Variants in SLC25A48 observed in about 807,000 individuals in gnomAD.
SLC25A48 encodes the protein CTC-321K16.1.
In SLC25A48, 29 loss-of-function variants were observed where a neutral mutation model predicts 32.2. The observed-to-expected ratio is 0.90, with a 90% CI of 0.67 to 1.23. The LOEUF (loss-of-function observed/expected upper bound fraction) is 1.23, where lower values mean the gene tolerates loss of function less well. Among genes scored for constraint, SLC25A48 ranks in the 50% most tolerant of loss-of-function variants. SLC25A48 has a pLI of 0.00. For synonymous variants in SLC25A48, 164 were observed against 172.3 expected (o/e 0.95, Z 0.38); for missense variants, 399 against 422.7 (o/e 0.94, Z 0.49).
chr5:135,616,217 C>T (rs965474233), intron 1 of SLC25A48, among the ~76,000 whole-genome samples: 4 of 152,146 alleles, frequency 2.6e-5, no homozygotes, highest in African/African-American at 9.7e-5. Flanking sequence ...GGGGGACTAC[C>T]TAGTGGGGCT....
chr5:135,804,027 A>G (rs1757399456), intron 3 of SLC25A48, among the ~76,000 whole-genome samples: 1 of 151,488 alleles, frequency 6.6e-6, no homozygotes, highest in Non-Finnish European at 1.5e-5. Flanking sequence ...ATTTTCTGTG[A>G]TATTAGGAAT....
At position 135,651,361 on chromosome 5, in the gene SLC25A48, G is replaced by A. The variant is rs573063006; in HGVS notation, c.-521+16405G>A. On this transcript the variant is annotated intron_variant, in intron 3 of 10. Transcript: ENST00000646290. Reference sequence around the variant, plus strand: ...AATGCCACACTCATCCTTGTGAGTGGTTTCCCCCAGGACTCCCTCAGGTGA... The same window carrying A: ...AATGCCACACTCATCCTTGTGAGTGATTTCCCCCAGGACTCCCTCAGGTGA... 7.9e-5 allele frequency among the ~76,000 whole-genome samples: 12 copies of A among 152,278 alleles called. 1 individual carries two copies. The highest frequency in any genetic ancestry group is 4.6e-4 in the Admixed American group (7 of 15,296).
At chr5:135,716,693 G>T (rs1754807623) in intron 3 of SLC25A48, among the ~76,000 whole-genome samples, 1 of 152,192 alleles carries the variant, frequency 6.6e-6, no homozygotes, top group African/African-American at 2.4e-5. Context: ...GGCAGTCCCT[G>T]ATTCTATCTA....
chr5:135,852,871 C>A (rs1389431273), intron 4 of SLC25A48, 50 bp downstream of exon 4: 1 of 1,565,544 alleles, frequency 6.4e-7, no homozygotes, highest in Admixed American at 1.8e-5. Context: ...GTGGCCCTTT[C>A]CTGGTTTGTG....
intron 1 of SLC25A48, among the ~76,000 whole-genome samples, chr5:135,583,330 G>A (rs1345940491): frequency 6.6e-6 from 1 of 152,014 alleles, no homozygotes; most frequent in Non-Finnish European, 1.5e-5. Context: ...GACTTTCCAG[G>A]AAATCCCACA....
At chr5:135,606,581 G>C (rs1751937577) in intron 1 of SLC25A48, among the ~76,000 whole-genome samples, 1 of 152,176 alleles carries the variant, frequency 6.6e-6, no homozygotes, top group Non-Finnish European at 1.5e-5. Flanking sequence ...AGAAGGTTAA[G>C]TGGCTTGGCT....
chr5:135,659,742 T>G (rs1338336985), intron 3 of SLC25A48, among the ~76,000 whole-genome samples: 4 of 152,178 alleles, frequency 2.6e-5, no homozygotes, highest in Non-Finnish European at 5.9e-5. Flanking sequence ...TCAGGAAACT[T>G]ACAATCATGG....
At chr5:135,619,445 G>C (rs1382578522) in intron 1 of SLC25A48, among the ~76,000 whole-genome samples, 4 of 151,944 alleles carry the variant, frequency 2.6e-5, no homozygotes, top group Non-Finnish European at 2.9e-5. Context: ...AACTTCTTTA[G>C]TAACATTATT....
chr5:135,648,084 G>A (rs1045838104), intron 3 of SLC25A48, among the ~76,000 whole-genome samples: 1 of 152,148 alleles, frequency 6.6e-6, no homozygotes, highest in Non-Finnish European at 1.5e-5. Flanking sequence ...GGTCCACTGA[G>A]AGTCTTATGA....
At chr5:135,610,288 A>G (rs921359730) in intron 1 of SLC25A48, among the ~76,000 whole-genome samples, 5 of 152,122 alleles carry the variant, frequency 3.3e-5, no homozygotes, top group Non-Finnish European at 7.4e-5. Flanking sequence ...AACTCAATAA[A>G]TGTGTTTATT....
At chr5:135,590,625 C>A (rs1418630605) in intron 1 of SLC25A48, among the ~76,000 whole-genome samples, 1 of 152,158 alleles carries the variant, frequency 6.6e-6, no homozygotes, top group African/African-American at 2.4e-5. Flanking sequence ...AGAACAGAGA[C>A]CTGCTGGGGG....
intron 3 of SLC25A48, among the ~76,000 whole-genome samples, chr5:135,791,366 G>A (rs965936243): frequency 6.6e-6 from 1 of 151,772 alleles, no homozygotes; most frequent in Non-Finnish European, 1.5e-5. Context: ...CTAGGATGAT[G>A]TTACTCCTAA....
chr5:135,871,996 A>C, intron 5 of SLC25A48: 1 of 1,324,710 alleles, frequency 7.5e-7, no homozygotes, highest in Non-Finnish European at 9.7e-7. Flanking sequence ...TAAGCTTTGG[A>C]AAGGAAATCC....
At position 135,656,225 on chromosome 5, in the gene SLC25A48, C is replaced by T. The variant is rs139307184; in HGVS notation, c.-521+21269C>T. The stretch of plus-strand genomic sequence containing the variant: ...TCTTGGGACTCCTTCTCCAATCCCC[C>T]GCTATCCTGGGTTGTGAAAGTTCTC... On this transcript the variant is annotated intron_variant, in intron 3 of 10. Coordinates refer to the SLC25A48 transcript ENST00000646290. 2.0e-4 allele frequency among the ~76,000 whole-genome samples: 31 copies of T among 152,264 alleles called. No individual in the cohort carries two copies. The East Asian group carries it at 4.4e-3, about 22-fold the overall frequency.
In SLC25A48 at chr5:135,629,886, G is replaced by C. The variant is rs1356743088; in HGVS notation, c.-709+510G>C. 6.6e-6 allele frequency among the ~76,000 whole-genome samples: 1 copy of C among 152,214 alleles called. No homozygotes were observed. The highest frequency in any genetic ancestry group is 2.4e-5 in the African/African-American group (1 of 41,456). On this transcript the variant is annotated intron_variant, in intron 2 of 10. Transcript: ENST00000646290. This position sits in a 1 kb window ranked among gnomAD's most constrained non-coding sequence, Gnocchi z 4.8. ...AACTATCAAGAACTTGCCGAAAGTA[G>C]TTGGAAGTCACAGGCATGACATGAG...
At chr5:135,628,331 C>A (rs1306688654) in intron 1 of SLC25A48, among the ~76,000 whole-genome samples, 4 of 152,124 alleles carry the variant, frequency 2.6e-5, no homozygotes, top group South Asian at 4.2e-4. Flanking sequence ...CCCCGAGGAA[C>A]CTGGGGAGAA....
chr5:135,888,068 C>T lies in SLC25A48; in HGVS notation c.*44C>T. The T allele has an allele frequency of 2.6e-6, 4 of 1,551,708 alleles. No individual in the cohort carries two copies. Among genetic ancestry groups the T allele is most frequent in the Non-Finnish European group, 3.5e-6 (4 of 1,146,886 alleles). On this transcript the variant is annotated 3_prime_UTR_variant, in exon 8 of 8. Transcript: ENST00000681962. ...AGGATGACTACAGTGTTCCCTGGGC[C>T]TCATCTCTGCATGTGAAGCCCTGAG...
intron 5 of SLC25A48, 37 bp from the exon 6 acceptor site, chr5:135,873,984 G>A: frequency 6.6e-7 from 1 of 1,514,670 alleles, no homozygotes; most frequent in Non-Finnish European, 8.8e-7. Context: ...AGATCCTAAG[G>A]AGCTAGCCCC....
At chr5:135,779,460 A>G (rs1318975588) in intron 3 of SLC25A48, among the ~76,000 whole-genome samples, 1 of 151,682 alleles carries the variant, frequency 6.6e-6, no homozygotes, top group East Asian at 1.9e-4. Flanking sequence ...CACCTGTGAT[A>G]TTTTTCCTAA....
Sources: gnomAD v4.1 joint callset for allele counts (sites outside exome capture counted in the v4.1 genomes callset) on GRCh38, gnomAD v4.1.1 for gene constraint, Gnocchi (gnomAD v3.1) non-coding constraint, MANE v1.5 for transcripts, NCBI Gene and HGNC (gene_info 2026-07-23, HGNC 2026-07-21) for gene names.